Variants in NAV3 observed in about 807,000 individuals in gnomAD.
The protein encoded by NAV3 is neuron navigator 3, also known as pore membrane and/or filament interacting like protein 1.
A neutral mutation model predicts 244.7 loss-of-function variants in NAV3; 87 were observed. The observed-to-expected ratio is 0.36, with a 90% CI of 0.30 to 0.42. The LOEUF (loss-of-function observed/expected upper bound fraction) is 0.42. Ranked by LOEUF, NAV3 falls within the 20% of genes least tolerant of loss-of-function variation. The pLI, the probability that NAV3 is intolerant of heterozygous loss-of-function variation, is 1.00. For missense variants in NAV3, 2,663 were observed against 2,893.3 expected (o/e 0.92, Z 1.83); for synonymous variants, 1,126 against 1,042.2 (o/e 1.08, Z -1.55).
At chr12:78,048,822 G>A (rs1471544794) in intron 9 of NAV3, among the ~76,000 whole-genome samples, 4 of 152,154 alleles carry the variant, frequency 2.6e-5, no homozygotes, top group South Asian at 2.1e-4. Context: ...GCCCACAGCC[G>A]CCCCTTCCCC....
At chr12:78,007,595 G>T (rs116043700) in intron 8 of NAV3, 150 bp downstream of exon 8, 3 of 815,788 alleles carry the variant, frequency 3.7e-6, no homozygotes, top group Non-Finnish European at 3.6e-6. Flanking sequence ...AATTCAGTGC[G>T]GAATCTTAGT....
At chr12:77,806,738 G>A (rs191462959) in intron 2 of NAV3, among the ~76,000 whole-genome samples, 67 of 152,212 alleles carry the variant, frequency 4.4e-4, no homozygotes, top group African/African-American at 5.8e-4. Context: ...TTTCTGTCTC[G>A]TTGATCTGTC....
At chr12:78,043,412 A>G (rs1881222722) in intron 9 of NAV3, among the ~76,000 whole-genome samples, 1 of 152,154 alleles carries the variant, frequency 6.6e-6, no homozygotes, top group Non-Finnish European at 1.5e-5. Flanking sequence ...GTGTCTTTAT[A>G]ATAGAATGAT....
At chr12:77,635,896 AT>A (rs1872132517) in intron 2 of NAV3, among the ~76,000 whole-genome samples, 1 of 152,216 alleles carries the variant, frequency 6.6e-6, no homozygotes, top group Non-Finnish European at 1.5e-5. Context: ...AGCAAGTACA[AT>A]ACTTGAATCT....
chr12:78,146,234 A>G, intron 20 of NAV3, 135 bp from the exon 21 acceptor site: 3 of 310,378 alleles, frequency 9.7e-6, no homozygotes, highest in Non-Finnish European at 1.8e-5. Flanking sequence ...CAATTGAATA[A>G]CTTAATGTAT....
intron 2 of NAV3, among the ~76,000 whole-genome samples, chr12:77,775,340 C>A (rs539421732): frequency 1.3e-5 from 2 of 150,430 alleles, no homozygotes; most frequent in South Asian, 4.2e-4. Flanking sequence ...TGCAGTGAGC[C>A]GAGATTGCAC....
At chr12:77,798,892 G>A (rs1023197004) in intron 2 of NAV3, among the ~76,000 whole-genome samples, 3 of 152,210 alleles carry the variant, frequency 2.0e-5, no homozygotes, top group African/African-American at 7.2e-5. Context: ...GAAATACTGT[G>A]TTAGCTTTGC....
chr12:77,760,234 A>G (rs796563650), intron 2 of NAV3, among the ~76,000 whole-genome samples: 15 of 152,298 alleles, frequency 9.8e-5, no homozygotes, highest in African/African-American at 3.6e-4. Context: ...TAATTTTTCA[A>G]TTGTCAGGAT....
chr12:77,861,135 G>A (rs1879199874), intron 1 of NAV3, among the ~76,000 whole-genome samples: 1 of 151,740 alleles, frequency 6.6e-6, no homozygotes, highest in Non-Finnish European at 1.5e-5. Context: ...GAGAAAATTA[G>A]CACGTGGTTG....
chr12:77,727,879 T>C (rs1876949355), intron 2 of NAV3, among the ~76,000 whole-genome samples: 1 of 151,920 alleles, frequency 6.6e-6, no homozygotes, highest in South Asian at 2.1e-4. Flanking sequence ...TTCTAATTAC[T>C]CTCATTTAGG....
At chr12:77,743,196 C>G (rs989328798) in intron 2 of NAV3, among the ~76,000 whole-genome samples, 11 of 151,862 alleles carry the variant, frequency 7.2e-5, no homozygotes, top group African/African-American at 2.4e-4. Flanking sequence ...TTTCTTTTCT[C>G]TAGCTTACCT....
intron 22 of NAV3, among the ~76,000 whole-genome samples, chr12:78,155,714 G>A (rs1957275367): frequency 6.6e-6 from 1 of 152,066 alleles, no homozygotes; most frequent in Admixed American, 6.6e-5. Flanking sequence ...TCTGACTGCT[G>A]TGAGATGGTA....
rs779108547 is a variant in NAV3 at position 78,205,086 on chromosome 12, A to C, written c.6986A>C (p.Glu2329Ala). Reference protein sequence around the residue: ...VGYESCTSTKEATTSKHIPQT... With the variant: ...VGYESCTSTKAATTSKHIPQT... ...TATGAAAGCTGCACATCCACTAAGG[A>C]AGCCACAACCTCAAAGCACATTCCG... The change falls in exon 39 of 40, where the codon GAA becomes GCA. Residue 2329 changes from glutamate (E) to alanine (A), a missense_variant. Around this residue, in one of 6 missense-constraint regions of NAV3, gnomAD observed 543 missense variants for 672.4 expected, o/e 0.81. Coordinates refer to ENST00000397909, the MANE Select transcript of NAV3 (RefSeq NM_001024383.2). 6.2e-7 allele frequency: 1 copy of C among 1,613,524 alleles called. No homozygotes were observed. The highest frequency in any genetic ancestry group is 2.2e-5 in the East Asian group (1 of 44,794).
chr12:77,739,135 A>G (rs1376137566), intron 2 of NAV3, among the ~76,000 whole-genome samples: 2 of 151,646 alleles, frequency 1.3e-5, no homozygotes, highest in Admixed American at 1.3e-4. Flanking sequence ...CGTTATCCCA[A>G]TTTCCACAGT....
intron 2 of NAV3, among the ~76,000 whole-genome samples, chr12:77,825,721 A>G (rs1227974742): frequency 6.6e-6 from 1 of 152,160 alleles, no homozygotes; most frequent in Non-Finnish European, 1.5e-5. Context: ...TTTGAGAGAT[A>G]TATGGAGAAT....
intron 2 of NAV3, among the ~76,000 whole-genome samples, chr12:77,663,129 T>C (rs1421647155): frequency 6.6e-6 from 1 of 152,220 alleles, no homozygotes; most frequent in East Asian, 1.9e-4. Flanking sequence ...TTTGTGAAAC[T>C]AACAATCAGA....
At chr12:78,030,728 C>T (rs1056524048) in intron 9 of NAV3, among the ~76,000 whole-genome samples, 36 of 152,066 alleles carry the variant, frequency 2.4e-4, no homozygotes, top group African/African-American at 8.2e-4. Flanking sequence ...TAAAATTTAA[C>T]ACCACAAATA....
At chr12:77,649,718 A>G (rs1161842032) in intron 2 of NAV3, among the ~76,000 whole-genome samples, 1 of 152,164 alleles carries the variant, frequency 6.6e-6, no homozygotes, top group Non-Finnish European at 1.5e-5. Flanking sequence ...TGACAAATAT[A>G]AGATCATTTT....
At chr12:77,905,793 G>A (rs780742234) in intron 1 of NAV3, among the ~76,000 whole-genome samples, 29 of 152,054 alleles carry the variant, frequency 1.9e-4, no homozygotes, top group African/African-American at 4.1e-4. Context: ...ATAACAATAT[G>A]AGCACAAAAA....
Sources: allele counts gnomAD v4.1 joint callset (sites outside exome capture counted in the v4.1 genomes callset), GRCh38; gene constraint gnomAD v4.1.1; regional missense constraint gnomAD v4.1.1; transcripts MANE v1.5; gene names NCBI Gene and HGNC (gene_info 2026-07-23, HGNC 2026-07-21).